The following CADM1 variants were observed in gnomAD, a reference collection of about 807,000 sequenced individuals.
CADM1 encodes the protein TSLC-1.
A neutral mutation model predicts 53.1 loss-of-function variants in CADM1; 15 were observed. That is an observed-to-expected ratio of 0.28 (90% CI 0.19 to 0.44). CADM1 has a LOEUF of 0.44. CADM1 is among the 20% of genes least tolerant of loss of function. The pLI is 1.00. For missense variants in CADM1, 434 were observed against 611.3 expected (o/e 0.71, Z 3.06); for synonymous variants, 281 against 243.0 (o/e 1.16, Z -1.45).
chr11:115,404,345 AAATATATATATATATATATATATATATAT>A (rs1261182746), intron 1 of CADM1, among the ~76,000 whole-genome samples: 2 of 40,788 alleles, frequency 4.9e-5, no homozygotes, highest in African/African-American at 1.7e-4. Context: ...AAAAAAAAAA[AAATATATATATATATATATATATATATAT>A]ATATATATAT....
rs1303822621 is a variant in CADM1 at position 115,415,685 on chromosome 11, AT to A, written c.124+88585del. Reference sequence around the variant, plus strand: ...ACCCAGTCTCTATTAAAAATACAACATTTAGCCAGACATGGTGATGTGCACC... The same window carrying A: ...ACCCAGTCTCTATTAAAAATACAACATTAGCCAGACATGGTGATGTGCACC... On this transcript the variant is annotated intron_variant, in intron 1 of 11. Coordinates refer to ENST00000331581, the MANE Select transcript of CADM1 (RefSeq NM_001301043.2). Among the ~76,000 whole-genome samples, 5 of 151,988 alleles carry A rather than the reference AT, an allele frequency of 3.3e-5. No homozygotes were observed. The East Asian group carries it at 9.7e-4, about 30-fold the overall frequency.
chr11:115,408,119 T>A (rs1947364843), intron 1 of CADM1, among the ~76,000 whole-genome samples: 1 of 151,264 alleles, frequency 6.6e-6, no homozygotes, highest in East Asian at 1.9e-4. Flanking sequence ...AGAGCCGTTT[T>A]AAAAAAAAAC....
rs186494925 is a variant in CADM1, at chr11:115,231,564, C to T, written c.425-74G>A. ...TTGTTGCTATCAAAAAGGAGAAAAA[C>T]AGTAGACATTCCTGATGGGAATTTA... On this transcript the variant is annotated intron_variant, in intron 3 of 11. Coordinates refer to ENST00000331581, the MANE Select transcript of CADM1 (RefSeq NM_001301043.2). 346 of 1,357,220 alleles carry T rather than the reference C, an allele frequency of 2.5e-4. No homozygotes were observed. The African/African-American group carries it at 4.3e-3, about 17-fold the overall frequency. The allele number at this position is 1,357,220 out of a possible 1,614,324, so 84.1% of individuals were successfully genotyped here.
chr11:115,308,809 CCCT>C (rs2135156361), intron 1 of CADM1, among the ~76,000 whole-genome samples: 1 of 145,204 alleles, frequency 6.9e-6, no homozygotes, highest in East Asian at 2.2e-4. Context: ...CTCCCTCCCT[CCCT>C]TCCTTCCATC....
At chr11:115,396,459 G>C (rs1056910954) in intron 1 of CADM1, among the ~76,000 whole-genome samples, 1 of 152,070 alleles carries the variant, frequency 6.6e-6, no homozygotes, top group African/African-American at 2.4e-5. Flanking sequence ...TTGGCATTTT[G>C]GTCATTTCAA....
chr11:115,255,167 T>C (rs1313986094), intron 1 of CADM1, among the ~76,000 whole-genome samples: 1 of 152,176 alleles, frequency 6.6e-6, no homozygotes, highest in Non-Finnish European at 1.5e-5. Context: ...AAGGAAGAAA[T>C]GAGCGTTACT....
At chr11:115,339,439 C>T (rs1196214482) in intron 1 of CADM1, among the ~76,000 whole-genome samples, 1 of 152,098 alleles carries the variant, frequency 6.6e-6, no homozygotes, top group Non-Finnish European at 1.5e-5. Flanking sequence ...CCATGGAATA[C>T]TATGCAGCCA....
intron 1 of CADM1, among the ~76,000 whole-genome samples, chr11:115,316,780 G>A (rs559701263): frequency 6.6e-6 from 1 of 152,268 alleles, no homozygotes; most frequent in Admixed American, 6.5e-5. Flanking sequence ...GACAGCAAGA[G>A]AAGCCATCTT....
chr11:115,188,978 C>A (rs1939711379), intron 10 of CADM1, among the ~76,000 whole-genome samples: 1 of 152,010 alleles, frequency 6.6e-6, no homozygotes, highest in African/African-American at 2.4e-5. Context: ...GATTAATCAG[C>A]ATCCCCTTCG....
At chr11:115,453,134 T>C (rs1465001023) in intron 1 of CADM1, among the ~76,000 whole-genome samples, 3 of 152,232 alleles carry the variant, frequency 2.0e-5, no homozygotes, top group Middle Eastern at 3.4e-3. Flanking sequence ...CCTAGCACTT[T>C]GGGAGACTGA....
At chr11:115,404,091 T>C (rs1325864111) in intron 1 of CADM1, among the ~76,000 whole-genome samples, 1 of 149,344 alleles carries the variant, frequency 6.7e-6, no homozygotes, top group Non-Finnish European at 1.5e-5. Context: ...CCTGGGAGGC[T>C]GAGGCGGGCA....
chr11:115,427,310 T>C (rs922527726), intron 1 of CADM1, among the ~76,000 whole-genome samples: 2 of 152,172 alleles, frequency 1.3e-5, no homozygotes, highest in African/African-American at 4.8e-5. Context: ...CAGAGGTATA[T>C]GTGTGCTGAA....
intron 1 of CADM1, among the ~76,000 whole-genome samples, chr11:115,260,465 T>G: frequency 6.6e-6 from 1 of 152,352 alleles, no homozygotes; most frequent in Admixed American, 6.5e-5. Context: ...CCAGTGGGCC[T>G]CTCTATCTTT....
At chr11:115,274,108 C>T (rs1052849583) in intron 1 of CADM1, among the ~76,000 whole-genome samples, 4 of 152,206 alleles carry the variant, frequency 2.6e-5, no homozygotes, top group Admixed American at 2.6e-4. Flanking sequence ...GGTAAAGGAG[C>T]ATGTGAATTC....
At chr11:115,401,351 G>A (rs1490118302) in intron 1 of CADM1, among the ~76,000 whole-genome samples, 1 of 152,034 alleles carries the variant, frequency 6.6e-6, no homozygotes, top group East Asian at 1.9e-4. Flanking sequence ...GCCCACGCCT[G>A]TAATCCCAGC....
intron 1 of CADM1, among the ~76,000 whole-genome samples, chr11:115,386,620 A>C (rs1156749649): frequency 6.8e-6 from 1 of 146,282 alleles, no homozygotes; most frequent in African/African-American, 2.5e-5. Context: ...GCTTCTTATA[A>C]AGCCACCAGT....
At chr11:115,272,257 A>T (rs1943319874) in intron 1 of CADM1, among the ~76,000 whole-genome samples, 1 of 152,186 alleles carries the variant, frequency 6.6e-6, no homozygotes, top group Non-Finnish European at 1.5e-5. Flanking sequence ...TAGCCAAAGG[A>T]TTATACTCAG....
chr11:115,382,773 T>A (rs1424534068), intron 1 of CADM1, among the ~76,000 whole-genome samples: 1 of 152,190 alleles, frequency 6.6e-6, no homozygotes, highest in Non-Finnish European at 1.5e-5. Flanking sequence ...AGGAACAATC[T>A]ACTTAAAACT....
chr11:115,462,865 G>A (rs1250277748), intron 1 of CADM1, among the ~76,000 whole-genome samples: 1 of 152,074 alleles, frequency 6.6e-6, no homozygotes, highest in Non-Finnish European at 1.5e-5. Flanking sequence ...CCACACATAA[G>A]AAAGGCAGTG....
Sources: gnomAD v4.1 joint callset for allele counts (sites outside exome capture counted in the v4.1 genomes callset) on GRCh38, gnomAD v4.1.1 for gene constraint, MANE v1.5 for transcripts, NCBI Gene and HGNC (gene_info 2026-07-23, HGNC 2026-07-21) for gene names.